FAS: variants seen among roughly 807,000 people sequenced by gnomAD.
The protein encoded by FAS is Fas cell surface death receptor.
Under a neutral mutation model 33.2 loss-of-function variants are expected in FAS, and 5 were observed. The observed-to-expected ratio is 0.15, with a 90% CI of 0.08 to 0.32. FAS has a LOEUF of 0.32. Ranked by LOEUF, FAS falls within the 10% of genes least tolerant of loss-of-function variation. The pLI, the probability that FAS is intolerant of heterozygous loss-of-function variation, is 1.00. For synonymous variants in FAS, 131 were observed against 130.7 expected (o/e 1.00, Z -0.01); for missense variants, 339 against 386.0 (o/e 0.88, Z 1.02).
rs762238328 is a variant in FAS, at chr10:89,014,472, T to C, written c.*22T>C. 10 of 1,597,974 alleles carry C rather than the reference T, an allele frequency of 6.3e-6. No homozygotes were observed. Among genetic ancestry groups the C allele is most frequent in the Non-Finnish European group, 7.7e-6 (9 of 1,174,552 alleles). On this transcript the variant is annotated 3_prime_UTR_variant, in exon 9 of 9. Transcript: ENST00000652046. Reference sequence around the variant, plus strand: ...CTAGAGTGAAAAACAACAAATTCAGTTCTGAGTATATGCAATTAGTGTTTG... The same window carrying C: ...CTAGAGTGAAAAACAACAAATTCAGCTCTGAGTATATGCAATTAGTGTTTG...
rs770595930 is a variant in FAS at position 89,014,418 on chromosome 10, A to C, written c.976A>C (p.Asn326His). 65 of 1,611,740 alleles carry C rather than the reference A, an allele frequency of 4.0e-5. No homozygotes were observed. The highest frequency in any genetic ancestry group is 4.9e-5 in the Non-Finnish European group (58 of 1,179,930). ...CATTACTAGTGACTCAGAAAATTCA[A>C]ACTTCAGAAATGAAATCCAAAGCTT... is the stretch of plus-strand genomic sequence containing the variant. ...KDITSDSENS[N>H]FRNEIQSLV Residue 326 changes from asparagine (N) to histidine (H), a missense_variant, in exon 9 of 9, where the codon AAC becomes CAC. This residue lies in a region of FAS where 52 missense variants were observed against 52.7 expected (regional missense o/e 0.99). Coordinates refer to ENST00000652046, the MANE Select transcript of FAS (RefSeq NM_000043.6).
At chr10:88,976,554 A>G (rs1008022201) in intron 2 of FAS, among the ~76,000 whole-genome samples, 1 of 152,220 alleles carries the variant, frequency 6.6e-6, no homozygotes, top group East Asian at 1.9e-4. Context: ...TTGTAGTTCT[A>G]TAGCAAAAAC....
intron 6 of FAS, among the ~76,000 whole-genome samples, chr10:89,011,674 C>G (rs1017998409): frequency 6.6e-6 from 1 of 152,200 alleles, no homozygotes. Flanking sequence ...TGTCCTACGG[C>G]TTCTGCATCC....
At chr10:88,986,482 A>T (rs1846888058), upstream of FAS, among the ~76,000 whole-genome samples, 2 of 152,122 alleles carry the variant, frequency 1.3e-5, no homozygotes, top group Non-Finnish European at 2.9e-5. Context: ...ATTGCTCAAG[A>T]GGTAGGTTAG....
At chr10:88,968,071 G>A (rs996437803) in intron 1 of FAS, among the ~76,000 whole-genome samples, 1 of 151,918 alleles carries the variant, frequency 6.6e-6, no homozygotes, top group Non-Finnish European at 1.5e-5. Flanking sequence ...GTGTTGTCAT[G>A]GTCTTGACAT....
chr10:89,002,087 A>C (rs1847960580), intron 1 of FAS, among the ~76,000 whole-genome samples: 1 of 152,204 alleles, frequency 6.6e-6, no homozygotes, highest in African/African-American at 2.4e-5. Flanking sequence ...AATTCTTGCC[A>C]AACACCTCCC....
upstream of FAS, chr10:88,990,537 C>T (rs1377705779): frequency 4.8e-6 from 3 of 619,476 alleles, no homozygotes; most frequent in Admixed American, 4.2e-5. This position sits in a 1 kb window ranked among gnomAD's most constrained non-coding sequence, Gnocchi z 4.9. Flanking sequence ...CCTCCCTACC[C>T]GCGCGCAGGC....
At chr10:88,972,802 T>A (rs578186233) in intron 1 of FAS, among the ~76,000 whole-genome samples, 1 of 152,234 alleles carries the variant, frequency 6.6e-6, no homozygotes, top group Non-Finnish European at 1.5e-5. Context: ...TCTAGTTAAC[T>A]ATATGTGCTA....
At chr10:88,970,197 C>G (rs1846401180) in intron 1 of FAS, among the ~76,000 whole-genome samples, 1 of 152,138 alleles carries the variant, frequency 6.6e-6, no homozygotes, top group Non-Finnish European at 1.5e-5. Flanking sequence ...AACTTTTTCT[C>G]TACTCATAGG....
upstream of FAS, chr10:88,990,383 A>T (rs1847087786): frequency 9.4e-6 from 4 of 426,094 alleles, no homozygotes; most frequent in South Asian, 8.1e-5. This position sits in a 1 kb window ranked among gnomAD's most constrained non-coding sequence, Gnocchi z 4.9. Context: ...GTTGAACTAC[A>T]GCAGAAGCCT....
intron 1 of FAS, among the ~76,000 whole-genome samples, chr10:89,001,894 C>T (rs776556081): frequency 9.9e-5 from 15 of 152,170 alleles, no homozygotes; most frequent in South Asian, 2.1e-4. Context: ...GTCATGGTAA[C>T]GGCTGTTCTG....
At position 89,015,425 on chromosome 10, in the gene FAS, C is replaced by T; in HGVS notation, c.*975C>T. 1.9e-6 allele frequency: 1 copy of T among 530,648 alleles called. No individual in the cohort carries two copies. The highest frequency in any genetic ancestry group is 5.2e-4 in the Middle Eastern group (1 of 1,918). 32.9% of individuals were successfully genotyped at this position (530,648 alleles called of 1,614,324 possible). ...AAATAGATTCTTATTTTTCCCCCAC[C>T]CCCGAAAATGTTCAATAATGTCCCA... On this transcript the variant is annotated 3_prime_UTR_variant, in exon 9 of 9. Coordinates refer to ENST00000652046, the MANE Select transcript of FAS (RefSeq NM_000043.6).
rs9658716 is a variant in FAS, at chr10:89,000,156, G to A, written c.31-2873G>A. On this transcript the variant is annotated intron_variant, in intron 1 of 8. Transcript: ENST00000652046. ...TATGCTGGTTTAAGAAAATATATCCGATGAAACAGAGGTTAATATTTGTGA... is the reference window on the plus strand; with the variant it reads ...TATGCTGGTTTAAGAAAATATATCCAATGAAACAGAGGTTAATATTTGTGA... Among the ~76,000 whole-genome samples, 639 of 152,266 alleles carry A rather than the reference G, an allele frequency of 4.2e-3. 1 individual carries two copies. The highest frequency in any genetic ancestry group is 0.015 in the African/African-American group (607 of 41,556).
rs963580400 is a variant in FAS, at chr10:89,012,360, A to G, written c.651+279A>G. On this transcript the variant is annotated intron_variant, in intron 7 of 8. Coordinates refer to ENST00000652046, the MANE Select transcript of FAS (RefSeq NM_000043.6). The stretch of plus-strand genomic sequence containing the variant: ...GGTTAATTTTTTATTTTTATTTTTT[A>G]TAGAGACAGGGTTCACTTTGTTGCC... 2.0e-5 allele frequency: 7 copies of G among 353,954 alleles called. 1 individual carries two copies. The highest frequency in any genetic ancestry group is 8.5e-5 in the African/African-American group (4 of 47,216). The allele number at this position is 353,954 out of a possible 1,614,324, so 21.9% of individuals were successfully genotyped here.
rs764468017 is a variant in FAS, at chr10:89,003,050, T to G, written c.52T>G (p.Leu18Val). 1 of 1,614,182 alleles carries G rather than the reference T, an allele frequency of 6.2e-7. No individual in the cohort carries two copies. The highest frequency in any genetic ancestry group is 1.1e-5 in the South Asian group (1 of 91,086). ...ACAGGTTCTTACGTCTGTTGCTAGA[T>G]TATCGTCCAAAAGTGTTAATGCCCA... ...LPLVLTSVAR[L>V]SSKSVNAQVT... is the part of the protein sequence containing the mutation. Residue 18 changes from leucine to valine, a missense_variant, in exon 2 of 9, where the codon TTA becomes GTA. Coordinates refer to ENST00000652046, the MANE Select transcript of FAS (RefSeq NM_000043.6).
In FAS at chr10:89,016,876, C is replaced by G. The variant is rs1373745843; in HGVS notation, c.*2426C>G. 1 of 199,880 alleles carries G rather than the reference C, an allele frequency of 5.0e-6. No homozygotes were observed. The highest frequency in any genetic ancestry group is 2.3e-5 in the African/African-American group (1 of 43,448). The allele number at this position is 199,880 out of a possible 1,614,324, so 12.4% of individuals were successfully genotyped here. A position where few individuals can be genotyped will look rare whatever the true frequency, so the allele number is the denominator to read the frequency against. On this transcript the variant is annotated 3_prime_UTR_variant, in exon 9 of 9. Coordinates refer to ENST00000652046, the MANE Select transcript of FAS (RefSeq NM_000043.6). ...TCTTCTGACCTCTGATTAGATCAGA[C>G]ACTTTTTAGATATTGAATCATCAGT...
chr10:88,976,606 T>G (rs1297553030), intron 2 of FAS, among the ~76,000 whole-genome samples: 1 of 152,260 alleles, frequency 6.6e-6, no homozygotes, highest in Non-Finnish European at 1.5e-5. Context: ...AACATATCTC[T>G]AATGTACCCT....
At chr10:88,995,677 A>G (rs1363963588) in intron 1 of FAS, among the ~76,000 whole-genome samples, 3 of 152,088 alleles carry the variant, frequency 2.0e-5, no homozygotes. Flanking sequence ...AAAATACACA[A>G]ATTAGCTGGG....
chr10:88,980,743 C>T (rs866222390), intron 2 of FAS, among the ~76,000 whole-genome samples: 1 of 152,088 alleles, frequency 6.6e-6, no homozygotes, highest in Non-Finnish European at 1.5e-5. Flanking sequence ...GAATGAGACT[C>T]GAGCCATATA....
Sources: allele counts gnomAD v4.1 joint callset (sites outside exome capture counted in the v4.1 genomes callset), GRCh38; gene constraint gnomAD v4.1.1; regional missense constraint gnomAD v4.1.1; non-coding constraint Gnocchi (gnomAD v3.1); transcripts MANE v1.5; gene names NCBI Gene and HGNC (gene_info 2026-07-23, HGNC 2026-07-21).